Variants in ADSS2 observed in about 807,000 individuals in gnomAD.
ADSS2 encodes adenylosuccinate synthase 2.
ADSS2 carries 30 observed loss-of-function variants against 60.0 expected under a neutral mutation model. The ratio of observed to expected loss-of-function variants is 0.50; its 90% CI spans 0.37 to 0.68. The LOEUF is 0.68. ADSS2 is among the 30% of genes least tolerant of loss of function. ADSS2 has a pLI of 0.00. For synonymous variants in ADSS2, 187 were observed against 193.1 expected (o/e 0.97, Z 0.26); for missense variants, 373 against 554.8 (o/e 0.67, Z 3.29).
At chr1:244,427,328 C>T (rs1664829719) in intron 4 of ADSS2, among the ~76,000 whole-genome samples, 1 of 151,942 alleles carries the variant, frequency 6.6e-6, no homozygotes, top group Admixed American at 6.6e-5. Context: ...GAGCAACTAC[C>T]AAAATTCATA....
At chr1:244,447,370 T>A (rs775765515) in intron 1 of ADSS2, among the ~76,000 whole-genome samples, 1 of 152,104 alleles carries the variant, frequency 6.6e-6, no homozygotes, top group Non-Finnish European at 1.5e-5. Flanking sequence ...ACCCATCCAT[T>A]CCCACCAAAG....
chr1:244,451,376 G>A lies in ADSS2; in HGVS notation c.183+259C>T, dbSNP rs943219455. On this transcript the variant is annotated intron_variant, in intron 1 of 12. Transcript: ENST00000366535. This position sits in a 1 kb window ranked among gnomAD's most constrained non-coding sequence, Gnocchi z 6.6. ...CAAAACTGCAACTGCCAGGCATCGC[G>A]CATCTCTCAAAGGCTCCCCGCCAGC... Among the ~76,000 whole-genome samples the A allele has an allele frequency of 6.6e-6, 1 of 152,168 alleles. No individual in the cohort carries two copies. The highest frequency in any genetic ancestry group is 2.4e-5 in the African/African-American group (1 of 41,448).
intron 1 of ADSS2, among the ~76,000 whole-genome samples, chr1:244,442,468 T>C (rs1432046450): frequency 6.6e-6 from 1 of 152,214 alleles, no homozygotes; most frequent in African/African-American, 2.4e-5. Context: ...CAGTATTACA[T>C]TGATTATTAT....
At chr1:244,437,897 T>C (rs1665142501) in intron 1 of ADSS2, 129 bp from the exon 2 acceptor site, 2 of 695,796 alleles carry the variant, frequency 2.9e-6, no homozygotes, top group Non-Finnish European at 2.5e-6. Context: ...TTACCACCTC[T>C]ACTCATTTGT....
At chr1:244,450,322 A>T (rs1305663330) in intron 1 of ADSS2, among the ~76,000 whole-genome samples, 1 of 152,228 alleles carries the variant, frequency 6.6e-6, no homozygotes, top group Non-Finnish European at 1.5e-5. Flanking sequence ...CTGGAAGGGA[A>T]GGAGGGAGAG....
Position 244,437,661 on chromosome 1 carries a change from C to T in ADSS2, c.286+5G>A. On this transcript the variant is annotated splice_donor_5th_base_variant and intron_variant, in intron 2 of 12. Coordinates refer to ENST00000366535, the MANE Select transcript of ADSS2 (RefSeq NM_001126.5). ...ATCTCCATGCAGTTCAGTTTATATA[C>T]TTACCAATGAATGCAGTGACATTTG... The T allele has an allele frequency of 6.4e-7, 1 of 1,557,780 alleles. No homozygotes were observed. The highest frequency in any genetic ancestry group is 8.8e-7 in the Non-Finnish European group (1 of 1,130,272).
At chr1:244,439,431 G>A (rs1348641904) in intron 1 of ADSS2, among the ~76,000 whole-genome samples, 1 of 152,070 alleles carries the variant, frequency 6.6e-6, no homozygotes, top group African/African-American at 2.4e-5. Flanking sequence ...TCTGGCCCAG[G>A]GTATGTCTAG....
At chr1:244,420,100 T>G in intron 8 of ADSS2, 70 bp downstream of exon 8, 1 of 1,466,298 alleles carries the variant, frequency 6.8e-7, no homozygotes, top group Admixed American at 2.1e-5. Flanking sequence ...AATGCTAACA[T>G]TAATTATTTA....
At chr1:244,409,861 C>T (rs1397869707) in intron 12 of ADSS2, among the ~76,000 whole-genome samples, 1 of 152,106 alleles carries the variant, frequency 6.6e-6, no homozygotes, top group Non-Finnish European at 1.5e-5. Flanking sequence ...CCCTTTTTAA[C>T]TGTGCAATAT....
chr1:244,429,887 A>T (rs1316382083), intron 4 of ADSS2, among the ~76,000 whole-genome samples: 2 of 152,170 alleles, frequency 1.3e-5, no homozygotes, highest in Non-Finnish European at 2.9e-5. Context: ...GTCTCAAAAA[A>T]ATAATAAAAT....
At chr1:244,411,465 G>A (rs532603132) in intron 11 of ADSS2, 29 bp from the exon 12 acceptor site, 45 of 1,593,174 alleles carry the variant, frequency 2.8e-5, no homozygotes, top group Non-Finnish European at 3.8e-5. Context: ...ATTTATTCAT[G>A]GCACACACTG....
At chr1:244,417,431 T>C (rs1664558792) in intron 10 of ADSS2, among the ~76,000 whole-genome samples, 197 bp downstream of exon 10, 1 of 152,190 alleles carries the variant, frequency 6.6e-6, no homozygotes. Context: ...CAACCTTGGA[T>C]GTCTAGGAGG....
chr1:244,432,008 C>A (rs1664957421), intron 4 of ADSS2, among the ~76,000 whole-genome samples: 1 of 152,170 alleles, frequency 6.6e-6, no homozygotes, highest in African/African-American at 2.4e-5. Flanking sequence ...TTACTTATTT[C>A]TTTTCTGGTT....
At chr1:244,444,237 C>T (rs1215738995) in intron 1 of ADSS2, among the ~76,000 whole-genome samples, 2 of 151,692 alleles carry the variant, frequency 1.3e-5, no homozygotes, top group South Asian at 2.1e-4. Flanking sequence ...AAATACAGGC[C>T]GGGCGCGGTG....
chr1:244,430,623 C>CT (rs1664918649), intron 4 of ADSS2, among the ~76,000 whole-genome samples: 1 of 152,152 alleles, frequency 6.6e-6, no homozygotes, highest in South Asian at 2.1e-4. Flanking sequence ...TTATCTAATG[C>CT]AGCGCCTTGC....
In ADSS2 at chr1:244,436,809, A is replaced by T. The variant is rs752030654; in HGVS notation, c.355+16T>A. ...CAAAGAACAACTGGTTACCAAGTAG[A>T]CTCATTCTTTCATACCTTTTCCTTT... is the stretch of plus-strand genomic sequence containing the variant. On this transcript the variant is annotated intron_variant, in intron 3 of 12. Coordinates refer to ENST00000366535, the MANE Select transcript of ADSS2 (RefSeq NM_001126.5). 6.3e-7 allele frequency: 1 copy of T among 1,593,754 alleles called. No homozygotes were observed. The highest frequency in any genetic ancestry group is 8.6e-7 in the Non-Finnish European group (1 of 1,163,142).
chr1:244,435,396 G>T (rs1558277268), intron 3 of ADSS2, among the ~76,000 whole-genome samples: 1 of 151,848 alleles, frequency 6.6e-6, no homozygotes, highest in Non-Finnish European at 1.5e-5. Flanking sequence ...TCTCTGGGGG[G>T]TGGGGCTCAA....
At chr1:244,433,655 C>T (rs769611791) in intron 3 of ADSS2, among the ~76,000 whole-genome samples, 2 of 151,926 alleles carry the variant, frequency 1.3e-5, no homozygotes, top group Non-Finnish European at 2.9e-5. Context: ...GTCAGGAGAT[C>T]GAGACCATCC....
chr1:244,415,459 C>T (rs959141242), intron 11 of ADSS2, among the ~76,000 whole-genome samples: 1 of 152,198 alleles, frequency 6.6e-6, no homozygotes, highest in Admixed American at 6.5e-5. Context: ...AGTCACAAAA[C>T]CTACCAGCTC....
Sources: allele counts gnomAD v4.1 joint callset (sites outside exome capture counted in the v4.1 genomes callset), GRCh38; gene constraint gnomAD v4.1.1; non-coding constraint Gnocchi (gnomAD v3.1); transcripts MANE v1.5; gene names NCBI Gene and HGNC (gene_info 2026-07-23, HGNC 2026-07-21).